The following DPP10 variants were observed in gnomAD, a reference collection of about 807,000 sequenced individuals.
DPP10 encodes inactive dipeptidyl peptidase 10.
In DPP10, 33 loss-of-function variants were observed where a neutral mutation model predicts 120.9. That is an observed-to-expected ratio of 0.27 (90% CI 0.21 to 0.37). The LOEUF is 0.37. Ranked by LOEUF, DPP10 falls within the 10% of genes least tolerant of loss-of-function variation. The pLI, the probability that DPP10 is intolerant of heterozygous loss-of-function variation, is 1.00. For missense variants in DPP10, 816 were observed against 942.8 expected (o/e 0.87, Z 1.76); for synonymous variants, 337 against 326.1 (o/e 1.03, Z -0.36).
At chr2:114,616,305 G>A (rs1315382611) in intron 1 of DPP10, among the ~76,000 whole-genome samples, 1 of 152,118 alleles carries the variant, frequency 6.6e-6, no homozygotes, top group African/African-American at 2.4e-5. Flanking sequence ...GCTGTACCCA[G>A]TGGAATACGT....
At chr2:114,574,829 G>A (rs1689934186) in intron 1 of DPP10, among the ~76,000 whole-genome samples, 1 of 152,188 alleles carries the variant, frequency 6.6e-6, no homozygotes, top group South Asian at 2.1e-4. Flanking sequence ...GGGCTTTACT[G>A]GGAGAACATG....
intron 1 of DPP10, among the ~76,000 whole-genome samples, chr2:115,259,836 T>A (rs2059172079): frequency 6.6e-6 from 1 of 152,118 alleles, no homozygotes; most frequent in Non-Finnish European, 1.5e-5. Context: ...ATATGATATA[T>A]GCTATATAGC....
At chr2:114,532,282 TATATATATATATATACACACAC>T (rs1686068459) in intron 1 of DPP10, among the ~76,000 whole-genome samples, 2 of 41,190 alleles carry the variant, frequency 4.9e-5, no homozygotes, top group African/African-American at 1.3e-4. Context: ...TATATATATA[TATATATATATATATACACACAC>T]ACACACACAC....
intron 19 of DPP10, among the ~76,000 whole-genome samples, chr2:115,800,376 TCTGTAGGTTGC>T (rs1297429106): frequency 1.3e-5 from 2 of 152,188 alleles, no homozygotes; most frequent in African/African-American, 4.8e-5. Flanking sequence ...TTTCTCCCAT[TCTGTAGGTTGC>T]CTGTTCACTC....
chr2:115,265,211 C>G (rs2059409244), intron 1 of DPP10, among the ~76,000 whole-genome samples: 1 of 151,466 alleles, frequency 6.6e-6, no homozygotes, highest in African/African-American at 2.4e-5. Flanking sequence ...TTCTCCCATT[C>G]AATATGTACA....
intron 7 of DPP10, among the ~76,000 whole-genome samples, chr2:115,705,778 A>C (rs1342372766): frequency 1.3e-5 from 2 of 151,910 alleles, no homozygotes. Flanking sequence ...ATCTGAAACA[A>C]AATCGAATGT....
chr2:114,798,346 GT>G (rs1339046503), intron 1 of DPP10, among the ~76,000 whole-genome samples: 3 of 152,076 alleles, frequency 2.0e-5, no homozygotes, highest in African/African-American at 7.2e-5. Flanking sequence ...TCAGAAGGTG[GT>G]ATACTAGAAA....
chr2:115,086,452 CTTTTTTTTTTT>C (rs70941026), intron 1 of DPP10, among the ~76,000 whole-genome samples: 1 of 106,470 alleles, frequency 9.4e-6, no homozygotes, highest in African/African-American at 3.4e-5. Flanking sequence ...CAATGTATTT[CTTTTTTTTTTT>C]TTTTTTTTTG....
At chr2:115,402,842 G>GAA (rs1553584302) in intron 3 of DPP10, among the ~76,000 whole-genome samples, 464 of 38,462 alleles carry the variant, frequency 0.012, 4 homozygotes, top group African/African-American at 0.031. Flanking sequence ...ACACTACAAG[G>GAA]AAAAAAAAAA....
chr2:114,743,373 T>G (rs1407924569), intron 1 of DPP10, among the ~76,000 whole-genome samples: 1 of 151,920 alleles, frequency 6.6e-6, no homozygotes, highest in Non-Finnish European at 1.5e-5. Flanking sequence ...TGAATTTGCT[T>G]GAAGTTTCTT....
chr2:115,610,549 T>G (rs2084027386), intron 5 of DPP10, among the ~76,000 whole-genome samples: 1 of 151,708 alleles, frequency 6.6e-6, no homozygotes, highest in African/African-American at 2.4e-5. Flanking sequence ...ACGATTTGCA[T>G]TACAAACATA....
At chr2:115,162,127 C>T (rs1244408069) in intron 1 of DPP10, 7 of 1,524,130 alleles carry the variant, frequency 4.6e-6, no homozygotes, top group Non-Finnish European at 6.2e-6. Context: ...CCGCGCCTCC[C>T]TCTTCTCACC....
At chr2:114,466,486 C>T (rs1042149410) in intron 1 of DPP10, among the ~76,000 whole-genome samples, 3 of 152,126 alleles carry the variant, frequency 2.0e-5, no homozygotes, top group South Asian at 2.1e-4. Context: ...CTTTGAATCT[C>T]GACTCTGTTT....
At chr2:115,256,870 G>A (rs1053943039) in intron 1 of DPP10, among the ~76,000 whole-genome samples, 3 of 152,186 alleles carry the variant, frequency 2.0e-5, no homozygotes, top group Admixed American at 6.5e-5. Context: ...CTTGTTAGAA[G>A]CAGCCAGGCC....
chr2:115,300,926 G>A (rs1047513615), intron 1 of DPP10, among the ~76,000 whole-genome samples: 1 of 151,756 alleles, frequency 6.6e-6, no homozygotes, highest in African/African-American at 2.4e-5. Flanking sequence ...TTGAAAATTG[G>A]GTGTCTGAAA....
chr2:115,039,561 A>G (rs1420782398), intron 1 of DPP10, among the ~76,000 whole-genome samples: 1 of 151,922 alleles, frequency 6.6e-6, no homozygotes, highest in Non-Finnish European at 1.5e-5. Flanking sequence ...TTGACCTGGA[A>G]AATTTTGTGT....
At chr2:114,763,226 T>C (rs1322936189) in intron 1 of DPP10, among the ~76,000 whole-genome samples, 1 of 152,130 alleles carries the variant, frequency 6.6e-6, no homozygotes, top group Non-Finnish European at 1.5e-5. Context: ...GTGAAATGAC[T>C]CTGGAGCTTG....
intron 1 of DPP10, among the ~76,000 whole-genome samples, chr2:115,183,887 A>T (rs1483909009): frequency 2.0e-5 from 3 of 152,128 alleles, no homozygotes; most frequent in Non-Finnish European, 4.4e-5. Context: ...GGACAGGAGG[A>T]TGTCAGAGGG....
chr2:115,782,086 G>A (rs912298235), intron 16 of DPP10, among the ~76,000 whole-genome samples: 1 of 151,798 alleles, frequency 6.6e-6, no homozygotes, highest in Admixed American at 6.6e-5. Flanking sequence ...ATGTAGAATT[G>A]GCTAAAAACA....
Sources: allele counts gnomAD v4.1 joint callset (sites outside exome capture counted in the v4.1 genomes callset), GRCh38; gene constraint gnomAD v4.1.1; transcripts MANE v1.5; gene names NCBI Gene and HGNC (gene_info 2026-07-23, HGNC 2026-07-21).